GABRA1: variants seen among roughly 807,000 people sequenced by gnomAD.
GABRA1 encodes the protein gamma-aminobutyric acid receptor subunit alpha-1.
Under a neutral mutation model 48.9 loss-of-function variants are expected in GABRA1, and 9 were observed. The observed-to-expected ratio is 0.18, with a 90% CI of 0.11 to 0.32. The LOEUF is 0.32. GABRA1 is among the 10% of genes least tolerant of loss of function. The pLI is 1.00. For synonymous variants in GABRA1, 210 were observed against 198.7 expected (o/e 1.06, Z -0.48); for missense variants, 285 against 553.8 (o/e 0.51, Z 4.87).
At chr5:161,881,873 G>T (rs1754627030) in intron 6 of GABRA1, 1 of 149,210 alleles carries the variant, frequency 6.7e-6, no homozygotes, top group Admixed American at 6.7e-5. Context: ...TCCAGCCTGG[G>T]TGACAAGAGT....
chr5:161,873,528 T>G (rs1754215806), intron 5 of GABRA1, among the ~76,000 whole-genome samples, 191 bp downstream of exon 5: 2 of 152,300 alleles, frequency 1.3e-5, no homozygotes, highest in Non-Finnish European at 2.9e-5. Context: ...ATGCAAATGT[T>G]TATTTGCTTA....
At chr5:161,847,409 G>A (rs1487937673), upstream of GABRA1, 2 of 152,170 alleles carry the variant, frequency 1.3e-5, no homozygotes, top group African/African-American at 2.4e-5. Flanking sequence ...GCACAATTCA[G>A]AGGTAACAGC....
intron 4 of GABRA1, among the ~76,000 whole-genome samples, chr5:161,869,892 C>T (rs193216470): frequency 6.8e-4 from 104 of 152,242 alleles, no homozygotes; most frequent in African/African-American, 2.1e-3. Flanking sequence ...AACTTGGTTT[C>T]GGCCACCTTC....
At chr5:161,862,757 G>T (rs75126767) in intron 3 of GABRA1, among the ~76,000 whole-genome samples, 1 of 151,774 alleles carries the variant, frequency 6.6e-6, no homozygotes, top group Non-Finnish European at 1.5e-5. Flanking sequence ...ATTAATGTAC[G>T]CAATAGATGC....
At chr5:161,877,243 C>T (rs1754397378) in intron 6 of GABRA1, among the ~76,000 whole-genome samples, 1 of 152,116 alleles carries the variant, frequency 6.6e-6, no homozygotes, top group Admixed American at 6.6e-5. Context: ...CAGTGCCCAG[C>T]CTGGTATAAA....
chr5:161,885,635 A>G (rs1311837443), intron 7 of GABRA1, among the ~76,000 whole-genome samples: 2 of 152,164 alleles, frequency 1.3e-5, no homozygotes, highest in Non-Finnish European at 2.9e-5. Context: ...CTAGCACAAT[A>G]TTTGAATTTC....
At chr5:161,895,413 T>C (rs1755316725) in intron 8 of GABRA1, among the ~76,000 whole-genome samples, 3 of 152,162 alleles carry the variant, frequency 2.0e-5, no homozygotes, top group African/African-American at 4.8e-5. Flanking sequence ...GAGCTTACTA[T>C]CTTCTGAAGA....
intron 5 of GABRA1, among the ~76,000 whole-genome samples, chr5:161,875,094 C>A (rs896167907): frequency 3.2e-4 from 48 of 152,232 alleles, no homozygotes; most frequent in African/African-American, 1.1e-3. Flanking sequence ...CTTTTCCTAC[C>A]TTCTTCTATG....
chr5:161,866,591 A>G (rs1753863744), intron 4 of GABRA1, among the ~76,000 whole-genome samples: 1 of 152,146 alleles, frequency 6.6e-6, no homozygotes, highest in Non-Finnish European at 1.5e-5. Flanking sequence ...TGATTTCAAA[A>G]TAGCTCACAG....
At chr5:161,871,484 G>A (rs1754119267) in intron 4 of GABRA1, among the ~76,000 whole-genome samples, 1 of 152,134 alleles carries the variant, frequency 6.6e-6, no homozygotes, top group African/African-American at 2.4e-5. Context: ...TGCACATCCT[G>A]AGGTAGATCC....
At chr5:161,876,260 T>C (rs966872870) in intron 6 of GABRA1, among the ~76,000 whole-genome samples, 11 of 152,280 alleles carry the variant, frequency 7.2e-5, no homozygotes, top group East Asian at 1.9e-4. Flanking sequence ...GGGTTTCAGC[T>C]GTTTGAAAAT....
chr5:161,897,576 C>G lies in GABRA1; in HGVS notation c.*154C>G, dbSNP rs1755427828. On this transcript the variant is annotated 3_prime_UTR_variant, in exon 10 of 10. Transcript: ENST00000393943. ...TCATTTAAGAACAAGAGACCCCTGT[C>G]TGGCAGTCTGGAGCAAAGCAGACTA... 2.7e-6 allele frequency: 2 copies of G among 751,730 alleles called. No individual in the cohort carries two copies. The highest frequency in any genetic ancestry group is 4.3e-6 in the Non-Finnish European group (2 of 463,620). 46.6% of individuals were successfully genotyped at this position (751,730 alleles called of 1,614,324 possible).
At chr5:161,875,757 A>G in intron 6 of GABRA1, 115 bp downstream of exon 6, 1 of 786,984 alleles carries the variant, frequency 1.3e-6, no homozygotes, top group Non-Finnish European at 2.3e-6. Flanking sequence ...AAACAGCAAT[A>G]TACCACATGG....
Position 161,888,218 on chromosome 5 carries a change from C to T in GABRA1, c.704-2680C>T, listed in dbSNP as rs544538542. Among the ~76,000 whole-genome samples the T allele has an allele frequency of 3.4e-4, 51 of 152,200 alleles. 2 individuals carry two copies. The South Asian group carries it at 8.9e-3, about 27-fold the overall frequency. On this transcript the variant is annotated intron_variant, in intron 7 of 9. Transcript: ENST00000393943. The stretch of plus-strand genomic sequence containing the variant: ...TGTGCATAAGCACTTGATGTCTAGA[C>T]GTATTATTTCAATCCAATTTAGGTG...
chr5:161,872,895 A>AAT (rs1754183314), intron 4 of GABRA1, among the ~76,000 whole-genome samples: 1 of 152,192 alleles, frequency 6.6e-6, no homozygotes, highest in African/African-American at 2.4e-5. Flanking sequence ...CTGACCAAAA[A>AAT]ATATGTCAGG....
rs192951838 is a variant in GABRA1, at chr5:161,848,859, C to G, written c.-16+437C>G. On this transcript the variant is annotated intron_variant, in intron 1 of 9. Coordinates refer to ENST00000393943, the MANE Select transcript of GABRA1 (RefSeq NM_001127644.2). ...ATCATCTAAAGTTAAGACGCTGGGA[C>G]GGAAAACCTGTCTCACTGTTCCATC... is the stretch of plus-strand genomic sequence containing the variant. 303 of 409,000 alleles carry G rather than the reference C, an allele frequency of 7.4e-4. 2 individuals carry two copies. The highest frequency in any genetic ancestry group is 7.4e-3 in the East Asian group (87 of 11,836). The allele number at this position is 409,000 out of a possible 1,614,324, so 25.3% of individuals were successfully genotyped here.
chr5:161,873,134 A>G lies in GABRA1; in HGVS notation c.273A>G (p.Val91=), dbSNP rs1410382573. The change falls in exon 5 of 10, where the codon GTA becomes GTG. Residue 91 remains valine (V), a synonymous_variant. Transcript: ENST00000393943. ...SDHDMEYTID[V]FFRQSWKDER... ...TTACCTAGGAATATACAATAGATGT[A>G]TTTTTCCGTCAAAGCTGGAAGGATG... 1.9e-6 allele frequency: 3 copies of G among 1,611,950 alleles called. No homozygotes were observed. The South Asian group carries it at 3.3e-5, about 18-fold the overall frequency.
intron 7 of GABRA1, among the ~76,000 whole-genome samples, chr5:161,883,782 G>A (rs1260965188): frequency 1.3e-5 from 2 of 152,074 alleles, no homozygotes; most frequent in South Asian, 2.1e-4. Flanking sequence ...GACCTCTCTT[G>A]CTATGATTAT....
Position 161,889,059 on chromosome 5 carries a change from T to C in GABRA1, c.704-1839T>C, listed in dbSNP as rs577767395. 6.3e-4 allele frequency among the ~76,000 whole-genome samples: 96 copies of C among 152,132 alleles called. 1 individual carries two copies. Among genetic ancestry groups the C allele is most frequent in the African/African-American group, 2.1e-3 (88 of 41,538 alleles). ...AACTAAAATGCAAAGTATGATATATTATAAATATATACAAGAGATATAAAG... is the reference window on the plus strand; with the variant it reads ...AACTAAAATGCAAAGTATGATATATCATAAATATATACAAGAGATATAAAG... On this transcript the variant is annotated intron_variant, in intron 7 of 9. Transcript: ENST00000393943.
Sources: allele counts gnomAD v4.1 joint callset (sites outside exome capture counted in the v4.1 genomes callset), GRCh38; gene constraint gnomAD v4.1.1; transcripts MANE v1.5; gene names NCBI Gene and HGNC (gene_info 2026-07-23, HGNC 2026-07-21).